Variants in FSTL5 observed in about 807,000 individuals in gnomAD.
FSTL5 encodes the protein follistatin like 5.
A neutral mutation model predicts 89.1 loss-of-function variants in FSTL5; 62 were observed. The ratio of observed to expected loss-of-function variants is 0.70; its 90% confidence interval spans 0.57 to 0.86. FSTL5 has a LOEUF of 0.86. Among genes scored for constraint, FSTL5 ranks in the 40% least tolerant of loss-of-function variants. The pLI is 0.00. For synonymous variants in FSTL5, 383 were observed against 346.2 expected (o/e 1.11, Z -1.18); for missense variants, 1,057 against 1,001.6 (o/e 1.06, Z -0.75).
intron 2 of FSTL5, among the ~76,000 whole-genome samples, chr4:162,061,565 G>C (rs1738719491): frequency 1.3e-5 from 2 of 152,168 alleles, no homozygotes; most frequent in African/African-American, 2.4e-5. Context: ...ACTGAAGGCA[G>C]TATCTGTGGC....
chr4:161,648,600 A>G (rs1239646087), intron 7 of FSTL5, among the ~76,000 whole-genome samples: 1 of 152,208 alleles, frequency 6.6e-6, no homozygotes, highest in Non-Finnish European at 1.5e-5. Context: ...CTAGTACACA[A>G]TAACTTTCTG....
At chr4:161,548,789 C>T (rs1732094121) in intron 8 of FSTL5, among the ~76,000 whole-genome samples, 1 of 151,660 alleles carries the variant, frequency 6.6e-6, no homozygotes, top group Non-Finnish European at 1.5e-5. Context: ...AGGAATTATG[C>T]AATGATGGAC....
intron 6 of FSTL5, among the ~76,000 whole-genome samples, chr4:161,714,531 T>C (rs146400011): frequency 1.3e-5 from 2 of 152,312 alleles, no homozygotes; most frequent in Admixed American, 6.5e-5. Context: ...CATTAGCCTC[T>C]ATCTTGTAAT....
intron 3 of FSTL5, among the ~76,000 whole-genome samples, chr4:162,011,166 T>C: frequency 6.6e-6 from 1 of 152,014 alleles, no homozygotes; most frequent in South Asian, 2.1e-4. Context: ...GCCTGGAAGG[T>C]TGGGGGTTTG....
chr4:161,646,679 A>G (rs1032054914), intron 7 of FSTL5, among the ~76,000 whole-genome samples: 3 of 152,278 alleles, frequency 2.0e-5, no homozygotes, highest in Admixed American at 1.3e-4. Context: ...AATTAAAATT[A>G]TAATTTCAGT....
chr4:161,780,662 G>A (rs1001478882), intron 4 of FSTL5, among the ~76,000 whole-genome samples: 4 of 152,158 alleles, frequency 2.6e-5, no homozygotes, highest in Non-Finnish European at 5.9e-5. Flanking sequence ...CAAGGATGCA[G>A]AATCACTGAC....
rs914305633 is a variant in FSTL5, at chr4:161,556,342, C to G, written c.1016-13649G>C. ...TGATTCTGGAAGCTTTTGTTTATAA[C>G]TTTTCTTACAGCTAGTTCTCTAGCT... On this transcript the variant is annotated intron_variant, in intron 8 of 15. Coordinates refer to ENST00000306100, the MANE Select transcript of FSTL5 (RefSeq NM_020116.5). 5.9e-5 allele frequency among the ~76,000 whole-genome samples: 9 copies of G among 151,544 alleles called. No homozygotes were observed. In the South Asian group the frequency reaches 1.2e-3, roughly 21 times the overall value.
At chr4:161,992,905 TATATATA>T (rs1736167611) in intron 3 of FSTL5, among the ~76,000 whole-genome samples, 1 of 7,160 alleles carries the variant, frequency 1.4e-4, no homozygotes, top group Non-Finnish European at 1.1e-3. Flanking sequence ...TATGTGTGTG[TATATATA>T]TATATATATA....
At chr4:161,593,407 C>T (rs1007510996) in intron 7 of FSTL5, among the ~76,000 whole-genome samples, 8 of 151,880 alleles carry the variant, frequency 5.3e-5, no homozygotes, top group African/African-American at 1.9e-4. Context: ...ATACCCACTA[C>T]GGATTTATTG....
chr4:161,925,568 T>A (rs961817489), intron 3 of FSTL5, among the ~76,000 whole-genome samples: 1 of 151,902 alleles, frequency 6.6e-6, no homozygotes, highest in Non-Finnish European at 1.5e-5. Flanking sequence ...CTTCCATGAA[T>A]ATATAAAATG....
chr4:161,475,457 C>T (rs1463629792), intron 13 of FSTL5, among the ~76,000 whole-genome samples: 1 of 152,092 alleles, frequency 6.6e-6, no homozygotes, highest in Admixed American at 6.5e-5. Flanking sequence ...TTTTTCTTTC[C>T]AGTCCTCAGA....
At chr4:161,873,481 GTTCCTTCC>G (rs559177709) in intron 4 of FSTL5, among the ~76,000 whole-genome samples, 1 of 148,942 alleles carries the variant, frequency 6.7e-6, no homozygotes, top group Non-Finnish European at 1.5e-5. Context: ...TATTTCCTTA[GTTCCTTCC>G]TTCCTTCCTT....
At chr4:161,685,561 T>G (rs1737682338) in intron 6 of FSTL5, among the ~76,000 whole-genome samples, 1 of 152,222 alleles carries the variant, frequency 6.6e-6, no homozygotes, top group African/African-American at 2.4e-5. Flanking sequence ...GATTCTCAGC[T>G]TGGTCGCTAT....
intron 11 of FSTL5, among the ~76,000 whole-genome samples, chr4:161,502,148 T>G (rs1358464522): frequency 6.6e-6 from 1 of 152,008 alleles, no homozygotes; most frequent in Non-Finnish European, 1.5e-5. Flanking sequence ...AAGTCCAGAT[T>G]GTTTGTCATG....
At chr4:161,897,021 C>T (rs1733179940) in intron 4 of FSTL5, among the ~76,000 whole-genome samples, 1 of 151,992 alleles carries the variant, frequency 6.6e-6, no homozygotes, top group Non-Finnish European at 1.5e-5. Flanking sequence ...CAACCTCCGC[C>T]TCCTGGGCGG....
intron 15 of FSTL5, among the ~76,000 whole-genome samples, chr4:161,433,376 C>A (rs1455066166): frequency 4.6e-5 from 7 of 151,766 alleles, no homozygotes; most frequent in Non-Finnish European, 1.0e-4. Flanking sequence ...ATTAAAAAAA[C>A]CCTAAAAAAA....
chr4:161,894,658 T>C (rs992795155), intron 4 of FSTL5, among the ~76,000 whole-genome samples: 3 of 152,128 alleles, frequency 2.0e-5, no homozygotes, highest in African/African-American at 7.2e-5. Flanking sequence ...TTTGTATTTT[T>C]AGTAGCGATG....
intron 6 of FSTL5, among the ~76,000 whole-genome samples, chr4:161,726,423 T>G (rs1259366799): frequency 1.3e-5 from 2 of 151,802 alleles, no homozygotes; most frequent in Non-Finnish European, 2.9e-5. Flanking sequence ...AGATGGGGTT[T>G]CACCATATTG....
chr4:161,791,539 C>T (rs546647924), intron 4 of FSTL5, among the ~76,000 whole-genome samples: 2 of 152,286 alleles, frequency 1.3e-5, no homozygotes, highest in African/African-American at 4.8e-5. Flanking sequence ...CAGCTATCAG[C>T]CATACATAAA....
Sources: gnomAD v4.1 joint callset for allele counts (sites outside exome capture counted in the v4.1 genomes callset) on GRCh38, gnomAD v4.1.1 for gene constraint, MANE v1.5 for transcripts, NCBI Gene and HGNC (gene_info 2026-07-23, HGNC 2026-07-21) for gene names.